ATP9A: variants seen among roughly 807,000 people sequenced by gnomAD.
ATP9A encodes probable phospholipid-transporting ATPase IIA.
ATP9A carries 52 observed loss-of-function variants against 144.1 expected under a neutral mutation model. The ratio of observed to expected loss-of-function variants is 0.36; its 90% CI spans 0.29 to 0.45. The LOEUF (loss-of-function observed/expected upper bound fraction) is 0.45. Ranked by LOEUF, ATP9A falls within the 20% of genes least tolerant of loss-of-function variation. The pLI, the probability that ATP9A is intolerant of heterozygous loss-of-function variation, is 1.00. For synonymous variants in ATP9A, 582 were observed against 557.4 expected (o/e 1.04, Z -0.62); for missense variants, 947 against 1,392.7 (o/e 0.68, Z 5.09).
intron 14 of ATP9A, among the ~76,000 whole-genome samples, chr20:51,644,605 C>A (rs552535461): frequency 2.6e-5 from 4 of 152,066 alleles, no homozygotes; most frequent in Admixed American, 2.6e-4. Flanking sequence ...ATGTTTCAAA[C>A]GTGTATACGC....
At chr20:51,747,098 G>GTTTTTTTT (rs11467381) in intron 1 of ATP9A, among the ~76,000 whole-genome samples, 4 of 138,682 alleles carry the variant, frequency 2.9e-5, no homozygotes, top group Admixed American at 7.3e-5. Flanking sequence ...TGGGTTTTTC[G>GTTTTTTTT]TTTTTTTTTT....
chr20:51,603,069 T>C (rs2122702694), intron 27 of ATP9A, among the ~76,000 whole-genome samples: 1 of 121,586 alleles, frequency 8.2e-6, no homozygotes, highest in East Asian at 2.4e-4. Flanking sequence ...GTGAGGGGGT[T>C]GTCATTAACT....
chr20:51,682,134 T>C (rs1291947650), intron 9 of ATP9A, among the ~76,000 whole-genome samples: 2 of 152,064 alleles, frequency 1.3e-5, no homozygotes, highest in African/African-American at 4.8e-5. Context: ...ACACTACCTA[T>C]TGGGTACTAT....
chr20:51,624,499 G>C (rs951467700), intron 18 of ATP9A, among the ~76,000 whole-genome samples: 1 of 152,028 alleles, frequency 6.6e-6, no homozygotes, highest in Non-Finnish European at 1.5e-5. Flanking sequence ...ATGCTAATAC[G>C]ACAGTGTGAT....
intron 3 of ATP9A, among the ~76,000 whole-genome samples, chr20:51,722,352 TAA>T (rs1433345604): frequency 6.6e-6 from 1 of 152,220 alleles, no homozygotes; most frequent in Non-Finnish European, 1.5e-5. Context: ...GGGACTTAAC[TAA>T]ACTGAAGAGC....
At chr20:51,623,801 AAAAGAAAG>A (rs71192537) in intron 18 of ATP9A, among the ~76,000 whole-genome samples, 13 of 133,390 alleles carry the variant, frequency 9.7e-5, no homozygotes, top group African/African-American at 3.9e-4. Context: ...AAAAAAAAAA[AAAAGAAAG>A]AAAGAAAGAA....
At chr20:51,734,252 G>A (rs1601135808) in intron 1 of ATP9A, among the ~76,000 whole-genome samples, 1 of 151,954 alleles carries the variant, frequency 6.6e-6, no homozygotes, top group African/African-American at 2.4e-5. Flanking sequence ...CAAAGTGTTG[G>A]GATTACAGGT....
At chr20:51,764,518 A>G (rs1323191487) in intron 1 of ATP9A, among the ~76,000 whole-genome samples, 1 of 152,232 alleles carries the variant, frequency 6.6e-6, no homozygotes, top group African/African-American at 2.4e-5. Flanking sequence ...GAGTGACCCC[A>G]GAAATAACTG....
intron 6 of ATP9A, 109 bp from the exon 7 acceptor site, chr20:51,694,211 C>A: frequency 1.4e-6 from 1 of 730,908 alleles, no homozygotes; most frequent in South Asian, 1.7e-5. Flanking sequence ...CAATGGCCAG[C>A]GACCACAAGA....
intron 23 of ATP9A, among the ~76,000 whole-genome samples, 157 bp from the exon 24 acceptor site, chr20:51,610,322 C>A (rs1027280121): frequency 6.6e-6 from 1 of 152,140 alleles, no homozygotes; most frequent in African/African-American, 2.4e-5. Flanking sequence ...ACAACATCAA[C>A]AACAACCCTA....
chr20:51,727,826 G>A (rs1458194248), intron 2 of ATP9A, among the ~76,000 whole-genome samples: 3 of 151,788 alleles, frequency 2.0e-5, no homozygotes, highest in Admixed American at 2.0e-4. Context: ...AGCTACTCAG[G>A]AGGCTGAGGC....
chr20:51,755,169 G>A, intron 1 of ATP9A, among the ~76,000 whole-genome samples: 2 of 151,944 alleles, frequency 1.3e-5, no homozygotes, highest in East Asian at 1.9e-4. Flanking sequence ...TGGGCGTGAT[G>A]GCTCACGCCT....
chr20:51,622,870 G>T (rs984479576), intron 18 of ATP9A, among the ~76,000 whole-genome samples: 5 of 152,130 alleles, frequency 3.3e-5, no homozygotes, highest in African/African-American at 1.2e-4. Flanking sequence ...CAGTCTTGGG[G>T]CTATCGGTCA....
chr20:51,670,789 C>T (rs1391873239), intron 12 of ATP9A, among the ~76,000 whole-genome samples: 1 of 152,172 alleles, frequency 6.6e-6, no homozygotes, highest in African/African-American at 2.4e-5. Flanking sequence ...CTTGCTTCGG[C>T]TACTATGCGC....
At chr20:51,756,342 G>C (rs2077856107) in intron 1 of ATP9A, among the ~76,000 whole-genome samples, 1 of 151,314 alleles carries the variant, frequency 6.6e-6, no homozygotes, top group Non-Finnish European at 1.5e-5. Flanking sequence ...CCAGGCTGGA[G>C]TGCAGGGGCA....
At chr20:51,675,858 C>T (rs2077474656) in intron 10 of ATP9A, among the ~76,000 whole-genome samples, 1 of 132,324 alleles carries the variant, frequency 7.6e-6, no homozygotes, top group Admixed American at 8.3e-5. Flanking sequence ...CCTGCCTGAG[C>T]AACAAAGTGA....
intron 24 of ATP9A, 78 bp downstream of exon 24, chr20:51,610,023 C>G: frequency 2.2e-6 from 3 of 1,349,814 alleles, no homozygotes; most frequent in Non-Finnish European, 3.1e-6. Flanking sequence ...AAGAATTTTT[C>G]CACCACGTTT....
In ATP9A at chr20:51,714,290, C is replaced by T. The variant is rs1001776892; in HGVS notation, c.328-1216G>A. On this transcript the variant is annotated intron_variant, in intron 3 of 27. Coordinates refer to ENST00000338821, the MANE Select transcript of ATP9A (RefSeq NM_006045.3). Reference sequence around the variant, plus strand: ...CTCCACCTCCCGGGCTCAAGAGATCCTCCTGCCTCAGCCTCCGGAGTAGCT... The same window carrying T: ...CTCCACCTCCCGGGCTCAAGAGATCTTCCTGCCTCAGCCTCCGGAGTAGCT... Among the ~76,000 whole-genome samples the T allele has an allele frequency of 9.2e-5, 14 of 152,278 alleles. No individual in the cohort carries two copies. In the East Asian group the frequency reaches 2.3e-3, roughly 25 times the overall value.
At chr20:51,688,083 C>A (rs1467552437) in intron 9 of ATP9A, among the ~76,000 whole-genome samples, 1 of 152,208 alleles carries the variant, frequency 6.6e-6, no homozygotes, top group Admixed American at 6.5e-5. Flanking sequence ...TACTTAACCT[C>A]ACTCAGCCTC....
Sources: allele counts gnomAD v4.1 joint callset (sites outside exome capture counted in the v4.1 genomes callset), GRCh38; gene constraint gnomAD v4.1.1; transcripts MANE v1.5; gene names NCBI Gene and HGNC (gene_info 2026-07-23, HGNC 2026-07-21).